Variants in TNS3 observed in about 807,000 individuals in gnomAD.
TNS3 encodes the protein tensin-3.
A neutral mutation model predicts 140.9 loss-of-function variants in TNS3; 45 were observed. The ratio of observed to expected loss-of-function variants is 0.32; its 90% CI spans 0.25 to 0.41. The LOEUF is 0.41. Ranked by LOEUF, TNS3 falls within the 10% of genes least tolerant of loss-of-function variation. The pLI, the probability that TNS3 is intolerant of heterozygous loss-of-function variation, is 1.00. For synonymous variants in TNS3, 815 were observed against 788.4 expected, an observed-to-expected ratio of 1.03 and a Z score of -0.56; for missense variants, 1,716 against 1,906.7, an observed-to-expected ratio of 0.90 and a Z score of 1.86.
Position 47,488,821 on chromosome 7 carries a change from C to T in TNS3, c.-114-7680G>A, listed in dbSNP as rs145242616. 2.2e-3 allele frequency among the ~76,000 whole-genome samples: 327 copies of T among 150,472 alleles called. 1 individual carries two copies. Among genetic ancestry groups the T allele is most frequent in the Middle Eastern group, 3.4e-3 (1 of 290 alleles). On this transcript the variant is annotated intron_variant, in intron 3 of 30. Transcript: ENST00000311160. Reference sequence around the variant, plus strand: ...GTGAGGCCGGGGGCTCCTGACATGCCGAAGGTGGCCTTACTCATCATTCAA... The same window carrying T: ...GTGAGGCCGGGGGCTCCTGACATGCTGAAGGTGGCCTTACTCATCATTCAA...
intron 1 of TNS3, among the ~76,000 whole-genome samples, chr7:47,537,966 A>AACC (rs1799664111): frequency 3.2e-5 from 4 of 126,118 alleles, no homozygotes; most frequent in African/African-American, 9.0e-5. Context: ...CCCTCACCGC[A>AACC]CCCCCCCCAC....
chr7:47,360,016 C>A (rs1790224508), intron 17 of TNS3, among the ~76,000 whole-genome samples: 1 of 152,176 alleles, frequency 6.6e-6, no homozygotes, highest in South Asian at 2.1e-4. Context: ...AAACCAAGGC[C>A]CCCTGCTTTG....
At chr7:47,367,679 G>A (rs2151137389) in intron 17 of TNS3, among the ~76,000 whole-genome samples, 1 of 152,212 alleles carries the variant, frequency 6.6e-6, no homozygotes, top group African/African-American at 2.4e-5. Flanking sequence ...TCCCACCACA[G>A]CTCTCAGTCC....
chr7:47,503,040 C>T (rs142206998), intron 3 of TNS3, among the ~76,000 whole-genome samples: 196 of 152,232 alleles, frequency 1.3e-3, no homozygotes, highest in African/African-American at 4.4e-3. Flanking sequence ...AGCTGCGCAT[C>T]GGGACCCTGT....
rs1165808399 is a variant in TNS3 at position 47,411,799 on chromosome 7, G to T, written c.651C>A (p.Asn217Lys). The T allele has an allele frequency of 6.2e-7, 1 of 1,613,154 alleles. No homozygotes were observed. The highest frequency in any genetic ancestry group is 1.3e-5 in the African/African-American group (1 of 74,890). The change falls in exon 13 of 31, where the codon AAC becomes AAA. Residue 217 changes from asparagine (N) to lysine (K), a missense_variant. Physicochemically the swap from Asn to Lys is moderately conservative, Grantham distance 94 (BLOSUM62 0). Transcript: ENST00000311160. ...MQPVYTSGIY[N>K]VGPENPSRIC... is the part of the protein sequence containing the mutation. ...TCCTGCTGGGGTTTTCTGGGCCAACGTTGCTTTGGGATGAAGAAGAAGGTA... is the reference window on the plus strand; with the variant it reads ...TCCTGCTGGGGTTTTCTGGGCCAACTTTGCTTTGGGATGAAGAAGAAGGTA...
chr7:47,514,484 G>A (rs1302456662), intron 2 of TNS3, among the ~76,000 whole-genome samples: 2 of 152,148 alleles, frequency 1.3e-5, no homozygotes, highest in African/African-American at 4.8e-5. Context: ...GGTTAACTGC[G>A]TGGAACAACC....
intron 2 of TNS3, among the ~76,000 whole-genome samples, chr7:47,509,072 T>A (rs1382355731): frequency 2.0e-5 from 3 of 152,214 alleles, no homozygotes; most frequent in Non-Finnish European, 4.4e-5. Flanking sequence ...GTTAAGGTAC[T>A]AACTTTGGGG....
chr7:47,506,245 C>T (rs1202725230), intron 3 of TNS3, among the ~76,000 whole-genome samples: 1 of 152,166 alleles, frequency 6.6e-6, no homozygotes, highest in Admixed American at 6.5e-5. Flanking sequence ...TCTGAAGGTG[C>T]GAGCACCAAG....
At chr7:47,332,855 C>G (rs904859697) in intron 20 of TNS3, among the ~76,000 whole-genome samples, 2 of 152,220 alleles carry the variant, frequency 1.3e-5, no homozygotes, top group African/African-American at 4.8e-5. Context: ...CACCAAGCCC[C>G]AGGGCCAGCA....
At chr7:47,514,727 T>C (rs913831221) in intron 2 of TNS3, among the ~76,000 whole-genome samples, 7 of 152,090 alleles carry the variant, frequency 4.6e-5, no homozygotes, top group African/African-American at 1.7e-4. Context: ...CAGAAAACCA[T>C]CTCTCAAATG....
chr7:47,369,924 T>C (rs559723649), intron 16 of TNS3, among the ~76,000 whole-genome samples: 2 of 152,346 alleles, frequency 1.3e-5, no homozygotes, highest in African/African-American at 4.8e-5. Context: ...CCTTTAGGGC[T>C]CATGGTTAAT....
chr7:47,456,150 G>C (rs781382235), intron 4 of TNS3, among the ~76,000 whole-genome samples: 1 of 152,202 alleles, frequency 6.6e-6, no homozygotes, highest in Non-Finnish European at 1.5e-5. Context: ...GGCAGTGGAC[G>C]ACATAGGTGG....
chr7:47,448,476 A>ATTTTTTTT (rs71003401), intron 4 of TNS3, among the ~76,000 whole-genome samples: 2 of 129,678 alleles, frequency 1.5e-5, no homozygotes, highest in African/African-American at 3.1e-5. Context: ...TGGGAATTCG[A>ATTTTTTTT]TTTTTTTTTT....
chr7:47,374,814 C>T (rs1039205869), intron 16 of TNS3, among the ~76,000 whole-genome samples: 2 of 152,186 alleles, frequency 1.3e-5, no homozygotes, highest in African/African-American at 4.8e-5. Context: ...AACTAAACTC[C>T]CATTTGTGGT....
rs552952482 is a variant in TNS3, at chr7:47,530,165, A to G, written c.-264-1018T>C. On this transcript the variant is annotated intron_variant, in intron 1 of 30. Coordinates refer to ENST00000311160, the MANE Select transcript of TNS3 (RefSeq NM_022748.12). ...ATAATAACTATTCTATATGCTAGAA[A>G]GTTAAGTAGAGATCTGAAAAACATA... 4.6e-5 allele frequency among the ~76,000 whole-genome samples: 7 copies of G among 152,326 alleles called. No homozygotes were observed. The South Asian group carries it at 1.2e-3, about 27-fold the overall frequency.
intron 6 of TNS3, 95 bp from the exon 7 acceptor site, chr7:47,437,408 T>C (rs993857599): frequency 8.2e-6 from 4 of 488,490 alleles, no homozygotes; most frequent in African/African-American, 2.1e-5. Flanking sequence ...TTAATACTAA[T>C]TTTTTAAAAA....
chr7:47,369,083 T>C lies in TNS3; in HGVS notation c.1563A>G (p.Leu521=), dbSNP rs776188532. 13 of 1,613,976 alleles carry C rather than the reference T, an allele frequency of 8.1e-6. No homozygotes were observed. Among genetic ancestry groups the C allele is most frequent in the African/African-American group, 8.0e-5 (6 of 74,944 alleles). The change falls in exon 17 of 31, where the codon CTA becomes CTG. Residue 521 remains leucine (L), a synonymous_variant. Coordinates refer to ENST00000311160, the MANE Select transcript of TNS3 (RefSeq NM_022748.12). ...TCHKSSQNSL[L]SDGFGSNVGE... is the part of the protein sequence containing the mutation. ...CAACGTTGCTGCCAAAACCGTCAGA[T>C]AGGAGTGAGTTCTGGCTGCTCTTGT...
At chr7:47,310,662 G>A (rs547319320) in intron 20 of TNS3, among the ~76,000 whole-genome samples, 2 of 152,286 alleles carry the variant, frequency 1.3e-5, no homozygotes, top group Non-Finnish European at 2.9e-5. Context: ...AAAAGCCACA[G>A]ATACTAACAT....
At chr7:47,385,209 G>A (rs1792005390) in intron 16 of TNS3, among the ~76,000 whole-genome samples, 1 of 152,152 alleles carries the variant, frequency 6.6e-6, no homozygotes, top group Non-Finnish European at 1.5e-5. Context: ...GTCCCTGCCT[G>A]AACTGAGCTC....
Sources: gnomAD v4.1 joint callset for allele counts (sites outside exome capture counted in the v4.1 genomes callset) on GRCh38, gnomAD v4.1.1 for gene constraint, MANE v1.5 for transcripts, NCBI Gene and HGNC (gene_info 2026-07-23, HGNC 2026-07-21) for gene names.